Variants in CCDC149 observed in about 807,000 individuals in gnomAD.
CCDC149 encodes the protein coiled-coil domain-containing protein 149.
In CCDC149, 45 loss-of-function variants were observed where a neutral mutation model predicts 59.9. That is an observed-to-expected ratio of 0.75 (90% CI 0.59 to 0.96). The LOEUF (loss-of-function observed/expected upper bound fraction) is 0.96. Ranked by LOEUF, CCDC149 falls within the 40% of genes least tolerant of loss-of-function variation. The probability of loss-of-function intolerance (pLI) is 0.00; values close to 1 mark genes in which losing one functional copy is unlikely to be tolerated. For synonymous variants in CCDC149, 245 were observed against 260.6 expected, an observed-to-expected ratio of 0.94 and a Z score of 0.58; for missense variants, 584 against 664.7, an observed-to-expected ratio of 0.88 and a Z score of 1.33.
At position 24,839,077 on chromosome 4, in the gene CCDC149, A is replaced by C. The variant is rs867663491; in HGVS notation, c.373-805T>G. On this transcript the variant is annotated intron_variant, in intron 4 of 12. Transcript: ENST00000635206. ...ACACACACACAGAGAGAGAGAGAGA[A>C]AGAGAGAGAGAGAAAGAGAGAAAAT... Among the ~76,000 whole-genome samples the C allele has an allele frequency of 8.5e-5, 11 of 129,062 alleles. No individual in the cohort carries two copies. In the South Asian group the frequency reaches 1.8e-3, roughly 21 times the overall value. The allele number at this position is 129,062 out of a possible 152,430, so 84.7% of individuals were successfully genotyped here.
Position 24,831,640 on chromosome 4 carries a change from CAGATCCTGAACT to C in CCDC149, c.821-2_830del. 4 of 1,613,812 alleles carry C rather than the reference CAGATCCTGAACT, an allele frequency of 2.5e-6. No homozygotes were observed. Among genetic ancestry groups the C allele is most frequent in the Non-Finnish European group, 2.5e-6 (3 of 1,179,898 alleles). ...GGCTGCATCCATGATCCTCAGATAGCAGATCCTGAACTAGATAGGATACAAAATGTATAACTC... is the reference window on the plus strand; with the variant it reads ...GGCTGCATCCATGATCCTCAGATAGCAGATAGGATACAAAATGTATAACTC... On this transcript the variant is annotated splice_acceptor_variant and coding_sequence_variant, in exon 9 of 13. Coordinates refer to ENST00000635206, the MANE Select transcript of CCDC149 (RefSeq NM_001330643.2). LOFTEE classifies it high-confidence loss of function.
chr4:24,906,376 T>TTTTTTTTATTTTATTTATTTTA lies in CCDC149; in HGVS notation c.63+6440_63+6441insTAAAATAAATAAAATAAAAAAA, dbSNP rs66808189. The stretch of plus-strand genomic sequence containing the variant: ...GGGCAGCGGAACAAATTTTATTTTA[T>TTTTTTTTATTTTATTTATTTTA]TTTATTTTATTTTATTTTATTTTAT... On this transcript the variant is annotated intron_variant, in intron 1 of 12. Coordinates refer to ENST00000635206, the MANE Select transcript of CCDC149 (RefSeq NM_001330643.2). Among the ~76,000 whole-genome samples the TTTTTTTTATTTTATTTATTTTA allele has an allele frequency of 1.8e-4, 20 of 112,394 alleles. 1 individual carries two copies. Among genetic ancestry groups the TTTTTTTTATTTTATTTATTTTA allele is most frequent in the African/African-American group, 6.4e-4 (20 of 31,358 alleles). The allele number at this position is 112,394 out of a possible 152,430, so 73.7% of individuals were successfully genotyped here. A position where few individuals can be genotyped will look rare whatever the true frequency, so the allele number is the denominator to read the frequency against.
intron 1 of CCDC149, among the ~76,000 whole-genome samples, chr4:24,903,783 G>A (rs909559746): frequency 6.8e-6 from 1 of 147,548 alleles, no homozygotes; most frequent in Non-Finnish European, 1.5e-5. Context: ...TCAGTTTTCT[G>A]TCTTTTTAAT....
At chr4:24,922,640 G>A (rs1014614256) in intron 1 of CCDC149, among the ~76,000 whole-genome samples, 6 of 152,160 alleles carry the variant, frequency 3.9e-5, no homozygotes, top group Admixed American at 2.0e-4. Context: ...TGCAGCTGGC[G>A]AGATCCTGGA....
At chr4:24,924,912 G>A (rs901460642) in intron 1 of CCDC149, among the ~76,000 whole-genome samples, 13 of 152,164 alleles carry the variant, frequency 8.5e-5, no homozygotes, top group Non-Finnish European at 2.9e-5. Context: ...ATCTACCACA[G>A]TGGCCACATC....
intron 1 of CCDC149, among the ~76,000 whole-genome samples, chr4:24,930,070 C>A (rs1276165976): frequency 6.6e-6 from 1 of 152,174 alleles, no homozygotes; most frequent in Non-Finnish European, 1.5e-5. Flanking sequence ...CCTCTTTTTC[C>A]TGGACATACA....
intron 1 of CCDC149, among the ~76,000 whole-genome samples, chr4:24,955,532 T>C (rs1723439625): frequency 6.6e-6 from 1 of 152,126 alleles, no homozygotes; most frequent in Admixed American, 6.6e-5. Context: ...TTATTCAGCC[T>C]TAATAAAGAA....
chr4:24,976,851 G>C (rs2109373644), intron 1 of CCDC149, among the ~76,000 whole-genome samples: 1 of 152,294 alleles, frequency 6.6e-6, no homozygotes, highest in East Asian at 1.9e-4. Flanking sequence ...CGGGGATTTG[G>C]AAGCTATGTG....
At chr4:24,948,108 G>A (rs1352380752) in intron 1 of CCDC149, among the ~76,000 whole-genome samples, 6 of 152,136 alleles carry the variant, frequency 3.9e-5, no homozygotes, top group Non-Finnish European at 5.9e-5. Flanking sequence ...AGTGGGCTAC[G>A]GCAGGTGATT....
chr4:24,870,565 A>T (rs112081341), intron 3 of CCDC149, among the ~76,000 whole-genome samples: 183 of 152,356 alleles, frequency 1.2e-3, no homozygotes, highest in Non-Finnish European at 2.1e-3. Flanking sequence ...AAAGCTACAA[A>T]GCCAATGTTT....
intron 1 of CCDC149, among the ~76,000 whole-genome samples, chr4:24,919,344 A>G (rs543696865): frequency 6.6e-6 from 1 of 152,330 alleles, no homozygotes; most frequent in African/African-American, 2.4e-5. Flanking sequence ...ACAGAGAGAC[A>G]CCACAGAATT....
intron 1 of CCDC149, among the ~76,000 whole-genome samples, chr4:24,975,114 C>T (rs968479468): frequency 3.9e-5 from 6 of 152,212 alleles, no homozygotes; most frequent in African/African-American, 9.6e-5. Context: ...TGCAGCAAGA[C>T]GCCCCTCATG....
intron 1 of CCDC149, among the ~76,000 whole-genome samples, chr4:24,954,621 T>G (rs1360577284): frequency 1.3e-5 from 2 of 152,196 alleles, no homozygotes; most frequent in Admixed American, 6.5e-5. Flanking sequence ...TTTTTTCTAA[T>G]GCAAGGAGTA....
At chr4:24,821,335 T>C (rs977762232) in intron 10 of CCDC149, among the ~76,000 whole-genome samples, 2 of 152,108 alleles carry the variant, frequency 1.3e-5, no homozygotes, top group East Asian at 1.9e-4. Context: ...ACACGATCAA[T>C]TTGCCGAACT....
At chr4:24,818,776 A>T (rs750499381) in intron 12 of CCDC149, among the ~76,000 whole-genome samples, 1 of 152,192 alleles carries the variant, frequency 6.6e-6, no homozygotes, top group Middle Eastern at 3.2e-3. Flanking sequence ...AGCACAAGGG[A>T]CAAGTCTCAT....
chr4:24,960,559 G>A (rs1327746884), intron 1 of CCDC149, among the ~76,000 whole-genome samples: 1 of 152,084 alleles, frequency 6.6e-6, no homozygotes, highest in Non-Finnish European at 1.5e-5. Flanking sequence ...TAAAGGGATG[G>A]GAAAATGTAT....
intron 12 of CCDC149, among the ~76,000 whole-genome samples, chr4:24,818,465 G>T (rs548690936): frequency 6.6e-6 from 1 of 152,328 alleles, no homozygotes; most frequent in Admixed American, 6.5e-5. Context: ...GATGTATATT[G>T]TTTATCTATT....
chr4:24,840,361 G>A (rs776657887), intron 4 of CCDC149, among the ~76,000 whole-genome samples: 34 of 152,156 alleles, frequency 2.2e-4, no homozygotes, highest in Admixed American at 2.0e-3. Context: ...GGTTATAAGC[G>A]ATCCTCATTA....
intron 1 of CCDC149, among the ~76,000 whole-genome samples, chr4:24,928,711 G>A (rs1409389926): frequency 6.6e-6 from 1 of 152,112 alleles, no homozygotes; most frequent in Non-Finnish European, 1.5e-5. Flanking sequence ...TTCAGCCACT[G>A]AGTTCATGGT....
Sources: allele counts gnomAD v4.1 joint callset (sites outside exome capture counted in the v4.1 genomes callset), GRCh38; gene constraint gnomAD v4.1.1; transcripts MANE v1.5; gene names NCBI Gene and HGNC (gene_info 2026-07-23, HGNC 2026-07-21).